The following MTMR3 variants were observed in gnomAD, a reference collection of about 807,000 sequenced individuals.
MTMR3 encodes phosphatidylinositol-3,5-bisphosphate 3-phosphatase MTMR3.
A neutral mutation model predicts 132.4 loss-of-function variants in MTMR3; 32 were observed. The ratio of observed to expected loss-of-function variants is 0.24; its 90% confidence interval spans 0.18 to 0.32. The LOEUF is 0.32. Ranked by LOEUF, MTMR3 falls within the 10% of genes least tolerant of loss-of-function variation. The pLI is 1.00. For synonymous variants in MTMR3, 556 were observed against 550.3 expected (o/e 1.01, Z -0.14); for missense variants, 1,216 against 1,489.6 (o/e 0.82, Z 3.02).
At chr22:29,971,777 C>A (rs1449473321) in intron 3 of MTMR3, among the ~76,000 whole-genome samples, 5 of 151,944 alleles carry the variant, frequency 3.3e-5, no homozygotes, top group Admixed American at 3.3e-4. Flanking sequence ...GAAGATGGAG[C>A]AACAAGCCAG....
chr22:29,913,651 C>T (rs146678127), intron 1 of MTMR3, among the ~76,000 whole-genome samples: 2 of 151,574 alleles, frequency 1.3e-5, no homozygotes, highest in Non-Finnish European at 2.9e-5. Flanking sequence ...GTAGTTGTTC[C>T]ATTTAATTGC....
intron 2 of MTMR3, among the ~76,000 whole-genome samples, chr22:29,958,305 T>C (rs1365633642): frequency 6.6e-6 from 1 of 152,196 alleles, no homozygotes; most frequent in Non-Finnish European, 1.5e-5. Flanking sequence ...AGACAAGTTA[T>C]TGCCTTGGTT....
At chr22:30,025,530 C>A in intron 19 of MTMR3, 100 bp from the exon 20 acceptor site, 1 of 1,263,244 alleles carries the variant, frequency 7.9e-7, no homozygotes, top group Non-Finnish European at 1.1e-6. Context: ...AGCTCCAGCA[C>A]ATGCAAATTA....
intron 1 of MTMR3, among the ~76,000 whole-genome samples, chr22:29,939,566 TTA>T (rs2065814866): frequency 6.6e-6 from 1 of 152,220 alleles, no homozygotes; most frequent in Admixed American, 6.5e-5. Flanking sequence ...GCACTGACTT[TTA>T]GAGTCACTAA....
At chr22:29,971,798 A>G (rs1438793437) in intron 3 of MTMR3, among the ~76,000 whole-genome samples, 3 of 152,134 alleles carry the variant, frequency 2.0e-5, no homozygotes, top group Non-Finnish European at 4.4e-5. Context: ...CCACATTTTC[A>G]TCAATCCTGA....
intron 7 of MTMR3, chr22:29,994,386 A>T (rs1190788226): frequency 8.0e-6 from 1 of 125,000 alleles, no homozygotes; most frequent in Non-Finnish European, 1.7e-5. Flanking sequence ...TTAATTAAAA[A>T]CAAACCAAAA....
intron 2 of MTMR3, among the ~76,000 whole-genome samples, chr22:29,963,514 C>T (rs946409244): frequency 6.6e-6 from 1 of 151,776 alleles, no homozygotes; most frequent in African/African-American, 2.4e-5. Flanking sequence ...GTCAGCCTCC[C>T]AAGTAGCTGG....
At chr22:29,989,800 A>G (rs1210947387) in intron 6 of MTMR3, 1 of 152,208 alleles carries the variant, frequency 6.6e-6, no homozygotes, top group Non-Finnish European at 1.5e-5. Context: ...TGGCTTCTGT[A>G]TAATTTCTGC....
intron 14 of MTMR3, chr22:30,014,972 A>T (rs942847507): frequency 6.6e-6 from 1 of 152,010 alleles, no homozygotes; most frequent in East Asian, 1.9e-4. Context: ...TCCACTTCAG[A>T]CTCACGTATC....
chr22:30,004,869 G>A (rs1306129415), intron 9 of MTMR3: 1 of 152,258 alleles, frequency 6.6e-6, no homozygotes, highest in Non-Finnish European at 1.5e-5. Flanking sequence ...TGTAGATTGG[G>A]TCATGATTCC....
intron 1 of MTMR3, among the ~76,000 whole-genome samples, chr22:29,893,318 CTT>C (rs1224851383): frequency 1.3e-5 from 2 of 152,166 alleles, no homozygotes; most frequent in South Asian, 2.1e-4. Context: ...AAAAAATACT[CTT>C]AATGTCATTC....
At chr22:30,006,919 G>C (rs1258405871) in intron 9 of MTMR3, 195 bp from the exon 10 acceptor site, 2 of 585,714 alleles carry the variant, frequency 3.4e-6, no homozygotes, top group African/African-American at 1.9e-5. Context: ...TGGTAATTGA[G>C]AAAGACACAC....
Position 29,978,512 on chromosome 22 carries a change from G to A in MTMR3, c.74G>A (p.Arg25Gln), listed in dbSNP as rs1474476495. The change falls in exon 4 of 20, where the codon CGG becomes CAG. Residue 25 changes from arginine (R) to glutamine (Q), a missense_variant. Physicochemically the swap from Arg to Gln is conservative, Grantham distance 43. Around this residue, in one of 7 missense-constraint regions of MTMR3, gnomAD observed 81 missense variants for 87.7 expected, o/e 0.92. Transcript: ENST00000401950. Reference sequence around the variant, plus strand: ...ATCTTTCCCAGGAAGCAGCTGATCCGGGAGGATGAGAATCTTCAGGTAATT... The same window carrying A: ...ATCTTTCCCAGGAAGCAGCTGATCCAGGAGGATGAGAATCTTCAGGTAATT... ...NQIFPRKQLIREDENLQVPFL... is the reference protein window; with the variant it reads ...NQIFPRKQLIQEDENLQVPFL... 1.2e-6 allele frequency: 2 copies of A among 1,613,290 alleles called. No homozygotes were observed. The highest frequency in any genetic ancestry group is 1.6e-4 in the Middle Eastern group (1 of 6,082).
At chr22:29,988,617 G>C (rs2066902196) in intron 6 of MTMR3, 55 bp downstream of exon 6, 5 of 1,327,472 alleles carry the variant, frequency 3.8e-6, no homozygotes, top group Middle Eastern at 1.9e-4. Context: ...ATTTTTTAAA[G>C]AATGGGTCCA....
intron 1 of MTMR3, among the ~76,000 whole-genome samples, chr22:29,930,948 A>G (rs1029645889): frequency 5.3e-5 from 8 of 150,352 alleles, no homozygotes. Flanking sequence ...TGGAGGCTGC[A>G]GTGAGCCATG....
intron 2 of MTMR3, among the ~76,000 whole-genome samples, chr22:29,965,985 G>A (rs1054714462): frequency 1.3e-5 from 2 of 152,076 alleles, no homozygotes; most frequent in Admixed American, 1.3e-4. Flanking sequence ...ATAACTGGAG[G>A]TTTTGAGGTA....
chr22:29,884,645 C>T (rs1429597762), intron 1 of MTMR3, among the ~76,000 whole-genome samples: 1 of 151,042 alleles, frequency 6.6e-6, no homozygotes, highest in Non-Finnish European at 1.5e-5. Context: ...TCACTGCAAC[C>T]TCCGCCTGCC....
intron 1 of MTMR3, among the ~76,000 whole-genome samples, chr22:29,927,719 G>A (rs1014911480): frequency 6.6e-6 from 1 of 151,856 alleles, no homozygotes; most frequent in African/African-American, 2.4e-5. Flanking sequence ...TGTGAGAAAT[G>A]ATAGTAACAT....
rs1371728000 is a variant in MTMR3 at position 30,013,499 on chromosome 22, G to C, written c.1461G>C (p.Gln487His). 1 of 1,614,020 alleles carries C rather than the reference G, an allele frequency of 6.2e-7. No homozygotes were observed. ...LQWLDCVHQL[Q>H]RQFPCSFEFN... ...GGCTTGACTGTGTTCATCAGCTTCA[G>C]AGGCAATTTCCTTGCTCTTTTGAGT... The change falls in exon 14 of 20, where the codon CAG (glutamine) becomes CAC (histidine). Residue 487 changes from glutamine to histidine, a missense_variant. Gln to His is a conservative substitution (Grantham distance 24). Transcript: ENST00000401950.
Sources: gnomAD v4.1 joint callset for allele counts (sites outside exome capture counted in the v4.1 genomes callset) on GRCh38, gnomAD v4.1.1 for gene constraint, gnomAD v4.1.1 regional missense constraint, MANE v1.5 for transcripts, NCBI Gene and HGNC (gene_info 2026-07-23, HGNC 2026-07-21) for gene names.